PPP2R2B: variants seen among roughly 807,000 people sequenced by gnomAD.
PPP2R2B encodes serine/threonine-protein phosphatase 2A 55 kDa regulatory subunit B beta isoform.
A neutral mutation model predicts 46.0 loss-of-function variants in PPP2R2B; 5 were observed. The ratio of observed to expected loss-of-function variants is 0.11; its 90% confidence interval spans 0.06 to 0.23. The LOEUF (loss-of-function observed/expected upper bound fraction) is 0.23, where lower values mean the gene tolerates loss of function less well. Ranked by LOEUF, PPP2R2B falls within the 10% of genes least tolerant of loss-of-function variation. The probability of loss-of-function intolerance (pLI) is 1.00; values close to 1 mark genes in which losing one functional copy is unlikely to be tolerated. For missense variants in PPP2R2B, 367 were observed against 575.0 expected (o/e 0.64, Z 3.70); for synonymous variants, 215 against 206.7 (o/e 1.04, Z -0.34).
At chr5:146,592,366 G>A (rs912782900) in intron 9 of PPP2R2B, among the ~76,000 whole-genome samples, 19 of 152,330 alleles carry the variant, frequency 1.2e-4, no homozygotes, top group African/African-American at 4.3e-4. Flanking sequence ...ATCAAGGAAC[G>A]AAATCAGCCC....
intron 2 of PPP2R2B, among the ~76,000 whole-genome samples, chr5:146,824,531 T>C (rs144971382): frequency 3.0e-4 from 45 of 152,246 alleles, no homozygotes; most frequent in Admixed American, 8.5e-4. Context: ...TGGCCATACA[T>C]AGAATAGTTG....
intron 6 of PPP2R2B, among the ~76,000 whole-genome samples, chr5:146,638,995 T>C (rs1323812125): frequency 6.6e-6 from 1 of 152,258 alleles, no homozygotes; most frequent in Non-Finnish European, 1.5e-5. Context: ...TCATGTACTT[T>C]ATCTCATTTA....
At chr5:146,784,150 T>C (rs1421978924) in intron 2 of PPP2R2B, among the ~76,000 whole-genome samples, 1 of 152,196 alleles carries the variant, frequency 6.6e-6, no homozygotes, top group Non-Finnish European at 1.5e-5. Flanking sequence ...TTTCAGCCTA[T>C]TTTTCCCCAA....
upstream of PPP2R2B, chr5:147,056,069 C>G (rs1193453578): frequency 2.7e-6 from 3 of 1,122,790 alleles, no homozygotes; most frequent in African/African-American, 3.2e-5. Flanking sequence ...CTGAAATGCT[C>G]TGCCTGAAAC....
intron 2 of PPP2R2B, among the ~76,000 whole-genome samples, chr5:146,793,510 C>T (rs1193889525): frequency 1.3e-5 from 2 of 152,114 alleles, no homozygotes; most frequent in African/African-American, 2.4e-5. Context: ...ATCCCTATAA[C>T]CTTGTTAAGT....
At chr5:146,745,158 GAC>G (rs1286321640) in intron 2 of PPP2R2B, among the ~76,000 whole-genome samples, 28 of 114,558 alleles carry the variant, frequency 2.4e-4, no homozygotes, top group African/African-American at 6.9e-4. Context: ...TGCAGAGAAA[GAC>G]AGAGAGAGAG....
intron 1 of PPP2R2B, among the ~76,000 whole-genome samples, chr5:147,036,693 T>G (rs1756054435): frequency 6.6e-6 from 1 of 152,192 alleles, no homozygotes; most frequent in Admixed American, 6.5e-5. Flanking sequence ...TTTTTGACTT[T>G]TTAATAATAG....
chr5:146,726,236 T>C (rs3844539), intron 2 of PPP2R2B, among the ~76,000 whole-genome samples: 36,005 of 151,850 alleles, frequency 0.24, 6,372 homozygotes, highest in African/African-American at 0.48. Flanking sequence ...TTACTGGGCG[T>C]CAAACAAGCA....
intron 2 of PPP2R2B, among the ~76,000 whole-genome samples, chr5:146,859,909 G>GA (rs997378217): frequency 1.3e-5 from 2 of 151,396 alleles, no homozygotes; most frequent in African/African-American, 2.4e-5. Flanking sequence ...TTTGTGTAGG[G>GA]AAAAAAAAGA....
intron 1 of PPP2R2B, among the ~76,000 whole-genome samples, chr5:146,994,056 G>A (rs893668879): frequency 4.6e-5 from 7 of 152,080 alleles, no homozygotes; most frequent in South Asian, 2.1e-4. Flanking sequence ...TAAGGTCAAG[G>A]CAGACAGTCA....
chr5:146,963,398 TTC>T (rs1752266074), intron 1 of PPP2R2B, among the ~76,000 whole-genome samples: 3 of 152,270 alleles, frequency 2.0e-5, no homozygotes, highest in Middle Eastern at 3.4e-3. Flanking sequence ...GTGAGGTTTT[TTC>T]TCTCTTTCCC....
chr5:146,877,856 TG>T, intron 2 of PPP2R2B, 145 bp downstream of exon 2: 1 of 944,548 alleles, frequency 1.1e-6, no homozygotes, highest in Non-Finnish European at 1.5e-6. Flanking sequence ...CGAGGTGCAC[TG>T]GGGCTGCCGG....
chr5:146,873,607 A>C (rs1465072497), intron 2 of PPP2R2B, among the ~76,000 whole-genome samples: 1 of 152,052 alleles, frequency 6.6e-6, no homozygotes, highest in Non-Finnish European at 1.5e-5. Flanking sequence ...CCACCACCTC[A>C]ATTTAGTTAT....
At chr5:146,915,408 C>G (rs12659576) in intron 1 of PPP2R2B, among the ~76,000 whole-genome samples, 39,045 of 151,566 alleles carry the variant, frequency 0.26, 5,140 homozygotes, top group East Asian at 0.37. Context: ...TCATCTTCCC[C>G]TCCTACTCAA....
intron 2 of PPP2R2B, among the ~76,000 whole-genome samples, chr5:146,758,570 T>A (rs1753973602): frequency 6.6e-6 from 1 of 152,216 alleles, no homozygotes; most frequent in Non-Finnish European, 1.5e-5. Context: ...CACTAATGAA[T>A]GAGTTCCCCA....
chr5:146,811,936 C>T (rs529180228), intron 2 of PPP2R2B, among the ~76,000 whole-genome samples: 1 of 152,174 alleles, frequency 6.6e-6, no homozygotes, highest in Non-Finnish European at 1.5e-5. Context: ...ACTGTTCATT[C>T]ATCACATCTC....
chr5:146,857,562 C>A (rs1172695082), intron 2 of PPP2R2B, among the ~76,000 whole-genome samples: 2 of 152,142 alleles, frequency 1.3e-5, no homozygotes, highest in East Asian at 1.9e-4. Context: ...GATAAAATCA[C>A]CACCAGCCAG....
chr5:146,656,989 A>G (rs1776376071), intron 5 of PPP2R2B, among the ~76,000 whole-genome samples: 1 of 152,200 alleles, frequency 6.6e-6, no homozygotes, highest in African/African-American at 2.4e-5. Flanking sequence ...CGCATTTACT[A>G]ACAAAATGAA....
intron 1 of PPP2R2B, chr5:146,914,372 G>A (rs1376722049): frequency 6.6e-6 from 1 of 152,124 alleles, no homozygotes; most frequent in Non-Finnish European, 1.5e-5. Context: ...GGAAGCAGTG[G>A]TTAGGGTGGT....
Sources: allele counts gnomAD v4.1 joint callset (sites outside exome capture counted in the v4.1 genomes callset), GRCh38; gene constraint gnomAD v4.1.1; transcripts MANE v1.5; gene names NCBI Gene and HGNC (gene_info 2026-07-23, HGNC 2026-07-21).